IGSF11: variants seen among roughly 807,000 people sequenced by gnomAD.
IGSF11 encodes the protein immunoglobulin superfamily member 11.
In IGSF11, 22 loss-of-function variants were observed where a neutral mutation model predicts 41.0. The ratio of observed to expected loss-of-function variants is 0.54; its 90% CI spans 0.38 to 0.77. The LOEUF (loss-of-function observed/expected upper bound fraction) is 0.77, where lower values mean the gene tolerates loss of function less well. Among genes scored for constraint, IGSF11 ranks in the 30% least tolerant of loss-of-function variants. The probability of loss-of-function intolerance (pLI) is 0.00; values close to 1 mark genes in which losing one functional copy is unlikely to be tolerated. For synonymous variants in IGSF11, 219 were observed against 201.3 expected (o/e 1.09, Z -0.74); for missense variants, 444 against 530.8 (o/e 0.84, Z 1.61).
At chr3:118,908,522 G>T (rs1939885318) in intron 4 of IGSF11, among the ~76,000 whole-genome samples, 1 of 152,170 alleles carries the variant, frequency 6.6e-6, no homozygotes, top group Non-Finnish European at 1.5e-5. Flanking sequence ...GGCTAATTCT[G>T]CCATCTGTCA....
At chr3:119,011,965 G>T (rs894809956) in intron 1 of IGSF11, among the ~76,000 whole-genome samples, 13 of 152,100 alleles carry the variant, frequency 8.5e-5, no homozygotes, top group Admixed American at 8.5e-4. Context: ...GTGTGTGTGT[G>T]TGTGTATACA....
chr3:118,927,088 G>GA (rs557693472), intron 3 of IGSF11, among the ~76,000 whole-genome samples: 47 of 147,700 alleles, frequency 3.2e-4, no homozygotes, highest in Middle Eastern at 3.4e-3. Context: ...CAGGAATCAG[G>GA]AAAAAAAAAA....
intron 1 of IGSF11, among the ~76,000 whole-genome samples, chr3:119,025,046 G>C (rs1214816141): frequency 6.6e-6 from 1 of 152,094 alleles, no homozygotes; most frequent in African/African-American, 2.4e-5. Flanking sequence ...ATATTCGAAT[G>C]ACATTTTGTA....
upstream of IGSF11, among the ~76,000 whole-genome samples, chr3:119,036,339 C>G (rs909389902): frequency 2.0e-5 from 3 of 152,150 alleles, no homozygotes; most frequent in African/African-American, 7.2e-5. Flanking sequence ...CTTTTAAACT[C>G]CAGGGTAAGG....
intron 1 of IGSF11, among the ~76,000 whole-genome samples, chr3:119,119,592 C>T (rs938672081): frequency 6.6e-6 from 1 of 152,224 alleles, no homozygotes; most frequent in Non-Finnish European, 1.5e-5. Context: ...CTCCAGCTCA[C>T]TGGCAGAAGC....
chr3:119,128,382 C>G (rs1176735686), intron 1 of IGSF11, among the ~76,000 whole-genome samples: 1 of 151,160 alleles, frequency 6.6e-6, no homozygotes, highest in Non-Finnish European at 1.5e-5. Context: ...GAGAGAGAAA[C>G]AGAGAAAGAG....
intron 1 of IGSF11, among the ~76,000 whole-genome samples, chr3:119,029,971 G>C (rs1940245784): frequency 6.6e-6 from 1 of 152,058 alleles, no homozygotes; most frequent in South Asian, 2.1e-4. Flanking sequence ...CCTAAACCCT[G>C]GTACACTACC....
At chr3:119,098,053 G>A (rs1052248042) in intron 1 of IGSF11, among the ~76,000 whole-genome samples, 9 of 137,100 alleles carry the variant, frequency 6.6e-5, no homozygotes, top group Non-Finnish European at 1.2e-4. Flanking sequence ...TCACACCTCA[G>A]CCTCCCAAAG....
At chr3:118,912,060 T>C (rs1328800021) in intron 4 of IGSF11, among the ~76,000 whole-genome samples, 1 of 152,236 alleles carries the variant, frequency 6.6e-6, no homozygotes, top group Non-Finnish European at 1.5e-5. Context: ...TCAGAAAATG[T>C]TAACCATTAA....
chr3:119,072,621 C>T (rs540875854), intron 1 of IGSF11, among the ~76,000 whole-genome samples: 1 of 152,244 alleles, frequency 6.6e-6, no homozygotes, highest in African/African-American at 2.4e-5. Context: ...GTAAGTGTTA[C>T]AGCTCTTAAG....
Position 118,954,793 on chromosome 3 carries a change from A to G in IGSF11, c.53-24518T>C, listed in dbSNP as rs543899853. Reference sequence around the variant, plus strand: ...TAGTTGAAGTTATTCCTTGATTGATAGACCACAGAATGAATAAATGTGGGT... The same window carrying G: ...TAGTTGAAGTTATTCCTTGATTGATGGACCACAGAATGAATAAATGTGGGT... On this transcript the variant is annotated intron_variant, in intron 1 of 6. Transcript: ENST00000393775. Among the ~76,000 whole-genome samples, 6 of 152,270 alleles carry G rather than the reference A, an allele frequency of 3.9e-5. No individual in the cohort carries two copies. The East Asian group carries it at 1.2e-3, about 29-fold the overall frequency.
At chr3:118,930,349 G>T in intron 1 of IGSF11, 74 bp from the exon 2 acceptor site, 1 of 1,400,108 alleles carries the variant, frequency 7.1e-7, no homozygotes, top group South Asian at 1.5e-5. Flanking sequence ...GAAGGTTTGC[G>T]TGTTTTATGT....
chr3:119,105,032 G>A (rs1265484085), intron 1 of IGSF11: 1 of 615,298 alleles, frequency 1.6e-6, no homozygotes, highest in African/African-American at 1.9e-5. Context: ...TTTTTTAGTA[G>A]TAGGAGAATA....
At chr3:119,045,880 G>C (rs1471297388) in intron 1 of IGSF11, among the ~76,000 whole-genome samples, 1 of 152,012 alleles carries the variant, frequency 6.6e-6, no homozygotes, top group Non-Finnish European at 1.5e-5. Context: ...CCCAGCAGGG[G>C]CACAGTGACA....
intron 1 of IGSF11, among the ~76,000 whole-genome samples, chr3:119,131,294 T>TA (rs2107539452): frequency 6.6e-6 from 1 of 152,122 alleles, no homozygotes; most frequent in East Asian, 1.9e-4. Flanking sequence ...CCAAGGAAGC[T>TA]AAAAACCTTG....
At chr3:118,960,253 A>C (rs1167737149) in intron 1 of IGSF11, among the ~76,000 whole-genome samples, 3 of 152,204 alleles carry the variant, frequency 2.0e-5, no homozygotes, top group Non-Finnish European at 2.9e-5. Flanking sequence ...CAAATATGCC[A>C]AGATTTACAA....
chr3:118,930,397 G>A, intron 1 of IGSF11, 122 bp from the exon 2 acceptor site: 2 of 948,122 alleles, frequency 2.1e-6, no homozygotes, highest in East Asian at 2.9e-5. Flanking sequence ...AGACTGACAT[G>A]ATAGTCTTAA....
At chr3:119,107,733 A>T (rs75625643), upstream of IGSF11, among the ~76,000 whole-genome samples, 37,478 of 152,046 alleles carry the variant, frequency 0.25, 4,717 homozygotes, top group South Asian at 0.31. Flanking sequence ...CTAACATTTA[A>T]GTCTTTAATC....
intron 1 of IGSF11, among the ~76,000 whole-genome samples, chr3:119,064,115 A>AT (rs1481885570): frequency 6.6e-6 from 1 of 152,222 alleles, no homozygotes; most frequent in African/African-American, 2.4e-5. Context: ...GAGTTGGAAT[A>AT]AAATGACCAC....
Sources: gnomAD v4.1 joint callset for allele counts (sites outside exome capture counted in the v4.1 genomes callset) on GRCh38, gnomAD v4.1.1 for gene constraint, MANE v1.5 for transcripts, NCBI Gene and HGNC (gene_info 2026-07-23, HGNC 2026-07-21) for gene names.